NAV2: variants seen among roughly 807,000 people sequenced by gnomAD.
NAV2 encodes the protein helicase, APC down-regulated 1.
A neutral mutation model predicts 223.2 loss-of-function variants in NAV2; 54 were observed. That is an observed-to-expected ratio of 0.24 (90% CI 0.19 to 0.30). The LOEUF is 0.30. Among genes scored for constraint, NAV2 ranks in the 10% least tolerant of loss-of-function variants. The pLI is 1.00. For synonymous variants in NAV2, 1,279 were observed against 1,239.3 expected (o/e 1.03, Z -0.67); for missense variants, 2,806 against 3,147.5 (o/e 0.89, Z 2.60).
intron 1 of NAV2, among the ~76,000 whole-genome samples, chr11:19,704,168 G>A (rs140809612): frequency 1.4e-4 from 22 of 152,140 alleles, no homozygotes; most frequent in South Asian, 2.1e-4. Flanking sequence ...CGAACATCAC[G>A]CAAAGACCAC....
intron 10 of NAV2, 75 bp downstream of exon 10, chr11:19,949,155 A>C: frequency 6.8e-7 from 1 of 1,471,738 alleles, no homozygotes; most frequent in South Asian, 1.4e-5. Flanking sequence ...GTAGGGCTCT[A>C]TTTGATTCTT....
At chr11:19,589,875 A>T (rs1045515654) in intron 1 of NAV2, among the ~76,000 whole-genome samples, 1 of 152,170 alleles carries the variant, frequency 6.6e-6, no homozygotes, top group African/African-American at 2.4e-5. Flanking sequence ...GGGAAGGGGA[A>T]TGTCAGGAGG....
At chr11:19,692,384 G>T (rs1365593649) in intron 1 of NAV2, among the ~76,000 whole-genome samples, 11 of 152,252 alleles carry the variant, frequency 7.2e-5, no homozygotes, top group Admixed American at 7.2e-4. Flanking sequence ...TTGCTTGCTT[G>T]TGTCTGGGAA....
Position 20,034,876 on chromosome 11 carries a change from G to C in NAV2, c.2769-1083G>C, listed in dbSNP as rs538072702. Among the ~76,000 whole-genome samples, 3 of 152,240 alleles carry C rather than the reference G, an allele frequency of 2.0e-5. No individual in the cohort carries two copies. In the South Asian group the frequency reaches 6.2e-4, roughly 32 times the overall value. ...GCAGGGGCAAGTGTTCAGAAAGAGG[G>C]ACAAGCAACAGAAAGCCTCAAAGAG... On this transcript the variant is annotated intron_variant, in intron 11 of 37. Transcript: ENST00000349880.
In NAV2 at chr11:20,034,750, T is replaced by C. The variant is rs75679013; in HGVS notation, c.2769-1209T>C. Among the ~76,000 whole-genome samples the C allele has an allele frequency of 1.7e-3, 257 of 152,256 alleles. 6 individuals carry two copies. The East Asian group carries it at 0.042, about 25-fold the overall frequency. ...ACACCACAGCAAACAAATGAGTAAA[T>C]GCAACAGGGTGACGTGACAGAGTGT... On this transcript the variant is annotated intron_variant, in intron 11 of 37. Coordinates refer to ENST00000349880, the MANE Select transcript of NAV2 (RefSeq NM_145117.5).
chr11:19,724,627 A>C (rs944433710), intron 1 of NAV2, among the ~76,000 whole-genome samples: 3 of 152,238 alleles, frequency 2.0e-5, no homozygotes, highest in African/African-American at 7.2e-5. Context: ...GCCAACACTG[A>C]CCACCTCCCA....
At chr11:19,967,666 C>T (rs944549411) in intron 10 of NAV2, among the ~76,000 whole-genome samples, 1 of 152,150 alleles carries the variant, frequency 6.6e-6, no homozygotes, top group African/African-American at 2.4e-5. Flanking sequence ...GACATGAGCC[C>T]TGTCACTCCC....
chr11:19,563,432 G>T (rs2045165258), intron 1 of NAV2, among the ~76,000 whole-genome samples: 1 of 152,204 alleles, frequency 6.6e-6, no homozygotes, highest in Non-Finnish European at 1.5e-5. Context: ...GACACAGAGG[G>T]ACCTTTATAG....
chr11:19,958,540 C>T (rs549626759), intron 10 of NAV2, among the ~76,000 whole-genome samples: 2 of 152,266 alleles, frequency 1.3e-5, no homozygotes, highest in South Asian at 4.1e-4. Context: ...AGGCTGGTTC[C>T]ACTACTCTTA....
chr11:19,360,588 G>A (rs1253383298), intron 1 of NAV2, among the ~76,000 whole-genome samples: 2 of 152,138 alleles, frequency 1.3e-5, no homozygotes, highest in Non-Finnish European at 2.9e-5. Flanking sequence ...TCTGTCCCTG[G>A]GCCAGTCAAT....
chr11:19,976,076 T>C (rs576307487), intron 10 of NAV2, among the ~76,000 whole-genome samples: 1 of 152,316 alleles, frequency 6.6e-6, no homozygotes, highest in African/African-American at 2.4e-5. Context: ...AGAAAGATCT[T>C]GATGAGAAAT....
intron 1 of NAV2, among the ~76,000 whole-genome samples, chr11:19,481,044 C>T (rs1381081992): frequency 6.6e-6 from 1 of 152,182 alleles, no homozygotes; most frequent in South Asian, 2.1e-4. Flanking sequence ...GCACCTGCAG[C>T]CCGGACAGGT....
At chr11:19,487,467 A>T (rs1386135176) in intron 1 of NAV2, among the ~76,000 whole-genome samples, 1 of 152,154 alleles carries the variant, frequency 6.6e-6, no homozygotes, top group Non-Finnish European at 1.5e-5. Flanking sequence ...GGATTGAAAA[A>T]ATGATGAAGA....
rs1230624177 is a variant in NAV2, at chr11:20,055,956, A to T, written c.4830A>T (p.Glu1610Asp). ...RSGSFRDGFEEVHGSSLSLVS... is the reference protein window; with the variant it reads ...RSGSFRDGFEDVHGSSLSLVS... ...GCTCATTCCGGGATGGGTTTGAAGAAGGTAAGGAAGGAAAGGAAGAAGGTA... is the reference window on the plus strand; with the variant it reads ...GCTCATTCCGGGATGGGTTTGAAGATGGTAAGGAAGGAAAGGAAGAAGGTA... The change falls in exon 19 of 38, where the codon GAA (glutamate) becomes GAT (aspartate). Residue 1610 changes from glutamate to aspartate, a missense_variant and splice_region_variant. This residue lies in a region of NAV2 where 824 missense variants were observed against 1,069.4 expected (regional missense o/e 0.77). Transcript: ENST00000349880. 4.3e-6 allele frequency: 7 copies of T among 1,612,708 alleles called. No individual in the cohort carries two copies. Among genetic ancestry groups the T allele is most frequent in the Non-Finnish European group, 5.9e-6 (7 of 1,179,696 alleles).
intron 3 of NAV2, among the ~76,000 whole-genome samples, chr11:19,848,930 A>G (rs1565423185): frequency 6.6e-6 from 1 of 152,198 alleles, no homozygotes; most frequent in East Asian, 1.9e-4. Flanking sequence ...CAGTCCCATC[A>G]TAAGTGGCCC....
intron 11 of NAV2, chr11:20,023,087 A>G: frequency 6.4e-7 from 1 of 1,551,794 alleles, no homozygotes; most frequent in Non-Finnish European, 8.7e-7. Flanking sequence ...GCTGTTCTCC[A>G]AGGGCCGCAA....
chr11:19,972,159 C>T (rs1004540818), intron 10 of NAV2, among the ~76,000 whole-genome samples: 1 of 152,214 alleles, frequency 6.6e-6, no homozygotes, highest in Non-Finnish European at 1.5e-5. Context: ...TTTTGTCAAA[C>T]TTTAGCTACA....
intron 11 of NAV2, among the ~76,000 whole-genome samples, chr11:20,018,483 T>A (rs531967611): frequency 4.7e-4 from 71 of 152,170 alleles, no homozygotes; most frequent in Non-Finnish European, 9.7e-4. Flanking sequence ...TGTAAAATAT[T>A]GTTTGTGTAT....
In NAV2 at chr11:19,995,422, C is replaced by G. The variant is rs554245207; in HGVS notation, c.2768+11175C>G. Among the ~76,000 whole-genome samples the G allele has an allele frequency of 3.8e-4, 58 of 152,354 alleles. 2 individuals carry two copies. Among genetic ancestry groups the G allele is most frequent in the Admixed American group, 3.7e-3 (56 of 15,306 alleles). ...CAGCAGGCTGAGTGGCTTCTTGCAG[C>G]TGGCATGCCGTGGGGCCCCCTCTTG... On this transcript the variant is annotated intron_variant, in intron 11 of 37. Coordinates refer to ENST00000349880, the MANE Select transcript of NAV2 (RefSeq NM_145117.5).
Sources: allele counts gnomAD v4.1 joint callset (sites outside exome capture counted in the v4.1 genomes callset), GRCh38; gene constraint gnomAD v4.1.1; regional missense constraint gnomAD v4.1.1; transcripts MANE v1.5; gene names NCBI Gene and HGNC (gene_info 2026-07-23, HGNC 2026-07-21).